PROSER2: variants seen among roughly 807,000 people sequenced by gnomAD.
The protein encoded by PROSER2 is proline and serine rich 2.
A neutral mutation model predicts 14.6 loss-of-function variants in PROSER2; 18 were observed. The ratio of observed to expected loss-of-function variants is 1.23; its 90% CI spans 0.85 to 1.83. PROSER2 has a LOEUF of 1.83. Among genes scored for constraint, PROSER2 ranks in the 40% most tolerant of loss-of-function variants. The pLI is 0.00. For synonymous variants in PROSER2, 367 were observed against 286.4 expected (o/e 1.28, Z -2.84); for missense variants, 823 against 629.8 (o/e 1.31, Z -3.28).
At chr10:11,833,287 T>C (rs987994176) in intron 1 of PROSER2, among the ~76,000 whole-genome samples, 3 of 126,484 alleles carry the variant, frequency 2.4e-5, no homozygotes, top group Non-Finnish European at 4.7e-5. Context: ...GGCTCACACC[T>C]GTAGTCCCAA....
chr10:11,826,040 C>G (rs1459902020), intron 1 of PROSER2, among the ~76,000 whole-genome samples: 1 of 151,916 alleles, frequency 6.6e-6, no homozygotes, highest in Non-Finnish European at 1.5e-5. Flanking sequence ...TCCCATTGCC[C>G]TCTCCCAACC....
chr10:11,857,731 G>C (rs1834148379), intron 2 of PROSER2, among the ~76,000 whole-genome samples: 2 of 124,822 alleles, frequency 1.6e-5, no homozygotes, highest in African/African-American at 3.0e-5. Flanking sequence ...GGCAACAGAT[G>C]GAGACCCCAT....
Position 11,870,033 on chromosome 10 carries a change from C to T in PROSER2, c.935C>T (p.Ser312Phe), listed in dbSNP as rs1284733113. 8.1e-7 allele frequency: 1 copy of T among 1,239,188 alleles called. No homozygotes were observed. Among genetic ancestry groups the T allele is most frequent in the South Asian group, 3.1e-5 (1 of 31,818 alleles). 76.8% of individuals were successfully genotyped at this position (1,239,188 alleles called of 1,614,324 possible). A position where few individuals can be genotyped will look rare whatever the true frequency, so the allele number is the denominator to read the frequency against. The change falls in exon 4 of 4, where the codon TCC becomes TTC. Residue 312 changes from serine to phenylalanine, a missense_variant. Transcript: ENST00000277570. ...AGEGAPGGGS[S>F]PERVARGRGL... ...GAGGGGGCCCCAGGGGGCGGCTCCTCCCCGGAGCGGGTGGCGCGTGGCCGG... is the reference window on the plus strand; with the variant it reads ...GAGGGGGCCCCAGGGGGCGGCTCCTTCCCGGAGCGGGTGGCGCGTGGCCGG...
intron 1 of PROSER2, among the ~76,000 whole-genome samples, chr10:11,832,864 A>G (rs1833706183): frequency 1.3e-5 from 2 of 151,788 alleles, no homozygotes; most frequent in South Asian, 4.2e-4. Flanking sequence ...TGTTTTTGAG[A>G]CAGGGTGTCA....
Position 11,856,979 on chromosome 10 carries a change from A to G in PROSER2, c.138+4764A>G, listed in dbSNP as rs1406163679. Among the ~76,000 whole-genome samples the G allele has an allele frequency of 6.6e-6, 1 of 152,228 alleles. No individual in the cohort carries two copies. Among genetic ancestry groups the G allele is most frequent in the East Asian group, 1.9e-4 (1 of 5,204 alleles). The stretch of plus-strand genomic sequence containing the variant: ...CTGCCTTCTCACCCAGCTGGAATCC[A>G]AATGGTCCTGGTCAAACAGCTGCTT... On this transcript the variant is annotated intron_variant, in intron 2 of 3. Coordinates refer to ENST00000277570, the MANE Select transcript of PROSER2 (RefSeq NM_153256.4). This position sits in a 1 kb window ranked among gnomAD's most constrained non-coding sequence, Gnocchi z 5.3.
intron 2 of PROSER2, among the ~76,000 whole-genome samples, chr10:11,864,841 G>C (rs1034200891): frequency 6.6e-6 from 1 of 151,970 alleles, no homozygotes; most frequent in African/African-American, 2.4e-5. Flanking sequence ...CACCCACCTC[G>C]GCCTCCCACA....
Position 11,869,854 on chromosome 10 carries a change from C to T in PROSER2, c.756C>T (p.Arg252=), listed in dbSNP as rs1469200551. 1.3e-6 allele frequency: 2 copies of T among 1,591,358 alleles called. No homozygotes were observed. The highest frequency in any genetic ancestry group is 1.7e-6 in the Non-Finnish European group (2 of 1,171,216). The change falls in exon 4 of 4, where the codon CGC becomes CGT. Residue 252 remains arginine (R), a synonymous_variant. Coordinates refer to ENST00000277570, the MANE Select transcript of PROSER2 (RefSeq NM_153256.4). This position sits in a 1 kb window ranked among gnomAD's most constrained non-coding sequence, Gnocchi z 4.4. ...PSHPAQPKAP[R]FPSNIIVTNG... is the part of the protein sequence containing the mutation. Reference sequence around the variant, plus strand: ...ACCCGGCGCAGCCCAAGGCACCCCGCTTCCCCAGCAACATCATCGTCACCA... The same window carrying T: ...ACCCGGCGCAGCCCAAGGCACCCCGTTTCCCCAGCAACATCATCGTCACCA...
At chr10:11,842,990 G>C (rs1833868753) in intron 1 of PROSER2, among the ~76,000 whole-genome samples, 1 of 117,014 alleles carries the variant, frequency 8.5e-6, no homozygotes, top group South Asian at 2.7e-4. Flanking sequence ...GCCCAGGCTG[G>C]AGTGCTGTGG....
rs1333486171 is a variant in PROSER2 at position 11,870,635 on chromosome 10, G to A, written c.*229G>A. ...CTCTTCCCTAAAGGAATCTGGCCGA[G>A]GGCTTGTCTCCCTTTTCCCAAGAAC... On this transcript the variant is annotated 3_prime_UTR_variant, in exon 4 of 4. Coordinates refer to ENST00000277570, the MANE Select transcript of PROSER2 (RefSeq NM_153256.4). The A allele has an allele frequency of 6.6e-6, 3 of 456,316 alleles. No homozygotes were observed. Among genetic ancestry groups the A allele is most frequent in the South Asian group, 4.9e-5 (1 of 20,408 alleles). 28.3% of individuals were successfully genotyped at this position (456,316 alleles called of 1,614,324 possible). A position where few individuals can be genotyped will look rare whatever the true frequency, so the allele number is the denominator to read the frequency against.
At position 11,865,369 on chromosome 10, in the gene PROSER2, CTGA is replaced by C. The variant is rs1272284002; in HGVS notation, c.139-1157_139-1155del. On this transcript the variant is annotated intron_variant, in intron 2 of 3. Coordinates refer to ENST00000277570, the MANE Select transcript of PROSER2 (RefSeq NM_153256.4). The surrounding 1 kb of genome is among the most constrained non-coding windows in gnomAD (Gnocchi z 4.2). ...TTCAGTATCCCCTCTTATCTGACAA[CTGA>C]TGATAGCCTTTTTGAAGTTTTCCAT... 6.6e-6 allele frequency among the ~76,000 whole-genome samples: 1 copy of C among 152,172 alleles called. No homozygotes were observed. Among genetic ancestry groups the C allele is most frequent in the African/African-American group, 2.4e-5 (1 of 41,444 alleles).
intron 1 of PROSER2, 102 bp from the exon 2 acceptor site, chr10:11,851,895 G>A (rs1478419494): frequency 1.4e-5 from 7 of 501,584 alleles, no homozygotes; most frequent in Non-Finnish European, 2.2e-5. Context: ...CCTAATGGTC[G>A]AGTCTGAGAG....
chr10:11,851,394 GTCT>G (rs1834014788), intron 1 of PROSER2: 1 of 152,184 alleles, frequency 6.6e-6, no homozygotes, highest in Non-Finnish European at 1.5e-5. Flanking sequence ...CTTCCATAGA[GTCT>G]TCAGTTTCGG....
chr10:11,848,491 C>G (rs1833960339), intron 1 of PROSER2, among the ~76,000 whole-genome samples: 2 of 152,152 alleles, frequency 1.3e-5, no homozygotes, highest in Non-Finnish European at 2.9e-5. Context: ...CTTTCCCTTG[C>G]TTTTTAAGCC....
At chr10:11,861,580 A>G (rs1340029109) in intron 2 of PROSER2, among the ~76,000 whole-genome samples, 1 of 152,176 alleles carries the variant, frequency 6.6e-6, no homozygotes, top group Non-Finnish European at 1.5e-5. Context: ...TCGCTGCCTT[A>G]GAAGCCGACA....
chr10:11,862,480 C>T lies in PROSER2; in HGVS notation c.139-4051C>T, dbSNP rs898793352. ...GCTGAGGCCAGAGGACTGCCTGAGC[C>T]CAGGAGTTCAAGATCAGCCTGGGCC... On this transcript the variant is annotated intron_variant, in intron 2 of 3. Transcript: ENST00000277570. This position sits in a 1 kb window ranked among gnomAD's most constrained non-coding sequence, Gnocchi z 4.2. Among the ~76,000 whole-genome samples, 3 of 152,228 alleles carry T rather than the reference C, an allele frequency of 2.0e-5. No homozygotes were observed. Among genetic ancestry groups the T allele is most frequent in the African/African-American group, 7.2e-5 (3 of 41,524 alleles).
intron 1 of PROSER2, among the ~76,000 whole-genome samples, chr10:11,843,377 AC>A (rs1335928911): frequency 3.6e-5 from 5 of 139,218 alleles, no homozygotes; most frequent in African/African-American, 1.4e-4. Context: ...ACATGGTGAA[AC>A]CCCATCTCTA....
At chr10:11,827,842 C>T (rs1237297770) in intron 1 of PROSER2, among the ~76,000 whole-genome samples, 1 of 151,952 alleles carries the variant, frequency 6.6e-6, no homozygotes, top group Admixed American at 6.6e-5. Context: ...CCATGCCTGG[C>T]TAATTTTTGT....
Position 11,869,408 on chromosome 10 carries a change from C to T in PROSER2, c.392-82C>T. Reference sequence around the variant, plus strand: ...TTGGTGTCAGGTCCAGGTTGAGGCTCTTTTCAGTTCAGCGAGAGGGAACTT... The same window carrying T: ...TTGGTGTCAGGTCCAGGTTGAGGCTTTTTTCAGTTCAGCGAGAGGGAACTT... On this transcript the variant is annotated intron_variant, in intron 3 of 3. Transcript: ENST00000277570. This position sits in a 1 kb window ranked among gnomAD's most constrained non-coding sequence, Gnocchi z 4.4. 2 of 1,081,364 alleles carry T rather than the reference C, an allele frequency of 1.8e-6. No individual in the cohort carries two copies. The highest frequency in any genetic ancestry group is 4.2e-4 in the Middle Eastern group (2 of 4,750). The allele number at this position is 1,081,364 out of a possible 1,614,324, so 67.0% of individuals were successfully genotyped here.
intron 2 of PROSER2, among the ~76,000 whole-genome samples, chr10:11,863,576 C>T (rs1342052057): frequency 1.3e-5 from 2 of 151,952 alleles, no homozygotes; most frequent in African/African-American, 2.4e-5. Flanking sequence ...GAAGCAGAGT[C>T]CACACTCATA....
Sources: allele counts gnomAD v4.1 joint callset (sites outside exome capture counted in the v4.1 genomes callset), GRCh38; gene constraint gnomAD v4.1.1; non-coding constraint Gnocchi (gnomAD v3.1); transcripts MANE v1.5; gene names NCBI Gene and HGNC (gene_info 2026-07-23, HGNC 2026-07-21).